The following ZNF280D variants were observed in gnomAD, a reference collection of about 807,000 sequenced individuals.
ZNF280D encodes the protein suppressor of hairy wing homolog 4.
Under a neutral mutation model 94.7 loss-of-function variants are expected in ZNF280D, and 39 were observed. The observed-to-expected ratio is 0.41, with a 90% CI of 0.32 to 0.54. The LOEUF is 0.54. ZNF280D is among the 20% of genes least tolerant of loss of function. The pLI, the probability that ZNF280D is intolerant of heterozygous loss-of-function variation, is 0.22. For missense variants in ZNF280D, 1,090 were observed against 1,149.3 expected (o/e 0.95, Z 0.75); for synonymous variants, 398 against 377.6 (o/e 1.05, Z -0.63).
intron 16 of ZNF280D, among the ~76,000 whole-genome samples, 200 bp from the exon 17 acceptor site, chr15:56,658,686 A>G (rs2053711695): frequency 6.6e-6 from 1 of 152,056 alleles, no homozygotes; most frequent in Non-Finnish European, 1.5e-5. Context: ...TAATGACACT[A>G]TTTTCCTAGG....
At chr15:56,673,728 T>C (rs1188197256) in intron 13 of ZNF280D, among the ~76,000 whole-genome samples, 1 of 152,044 alleles carries the variant, frequency 6.6e-6, no homozygotes, top group African/African-American at 2.4e-5. Flanking sequence ...ATTAATTTAC[T>C]CTGCTCCAGC....
chr15:56,711,407 A>C (rs1250189238), intron 1 of ZNF280D, among the ~76,000 whole-genome samples: 1 of 152,096 alleles, frequency 6.6e-6, no homozygotes, highest in South Asian at 2.1e-4. Flanking sequence ...GCTCACACCT[A>C]TAATTCCAGC....
In ZNF280D at chr15:56,716,498, T is replaced by C. The variant is rs146661984; in HGVS notation, c.-85-9192A>G. Among the ~76,000 whole-genome samples, 1,395 of 147,362 alleles carry C rather than the reference T, an allele frequency of 9.5e-3. 8 individuals are homozygous for C. The highest frequency in any genetic ancestry group is 0.021 in the Middle Eastern group (6 of 292). ...AATATGAAAAGCTGCAAAGAAACCA[T>C]TGTGACTGAAAAAAAAAAAAAAAAG... On this transcript the variant is annotated intron_variant, in intron 1 of 21. Coordinates refer to ENST00000267807, the MANE Select transcript of ZNF280D (RefSeq NM_017661.4).
intron 6 of ZNF280D, chr15:56,699,541 T>C: frequency 1.2e-6 from 1 of 835,084 alleles, no homozygotes; most frequent in Non-Finnish European, 1.4e-6. Context: ...CTTTAGACTC[T>C]TTTTTCCCTT....
rs572401261 is a variant in ZNF280D, at chr15:56,665,837, T to C, written c.1994+558A>G. Among the ~76,000 whole-genome samples the C allele has an allele frequency of 2.6e-5, 4 of 152,166 alleles. No individual in the cohort carries two copies. In the South Asian group the frequency reaches 8.3e-4, roughly 32 times the overall value. On this transcript the variant is annotated intron_variant, in intron 16 of 21. Coordinates refer to ENST00000267807, the MANE Select transcript of ZNF280D (RefSeq NM_017661.4). ...ACCAATGGGGCAATAAAAAGTTCCA[T>C]GGAAAAACTATTTCCCAGCCGGGTG...
chr15:56,669,863 T>C (rs2054555464), intron 13 of ZNF280D, among the ~76,000 whole-genome samples: 1 of 11,156 alleles, frequency 9.0e-5, no homozygotes. Context: ...ATTTTATATA[T>C]ATATATATTT....
Position 56,676,667 on chromosome 15 carries a change from C to G in ZNF280D, c.1410+3G>C, listed in dbSNP as rs77349546. 1.9e-6 allele frequency: 3 copies of G among 1,598,352 alleles called. No individual in the cohort carries two copies. Among genetic ancestry groups the G allele is most frequent in the Non-Finnish European group, 2.6e-6 (3 of 1,174,466 alleles). ...TAAACAAATAAGAACTGGTAAATCT[C>G]ACCTGATGCTTCATATAATGATGCA... On this transcript the variant is annotated splice_donor_region_variant and intron_variant, in intron 13 of 21. Coordinates refer to ENST00000267807, the MANE Select transcript of ZNF280D (RefSeq NM_017661.4).
intron 1 of ZNF280D, among the ~76,000 whole-genome samples, chr15:56,717,531 C>G (rs1211815493): frequency 6.6e-6 from 1 of 151,940 alleles, no homozygotes; most frequent in Non-Finnish European, 1.5e-5. Context: ...TCACTTCATT[C>G]CTTACATTCT....
chr15:56,661,244 A>C (rs1220711524), intron 16 of ZNF280D, among the ~76,000 whole-genome samples: 1 of 152,172 alleles, frequency 6.6e-6, no homozygotes, highest in Non-Finnish European at 1.5e-5. Context: ...AATTTTCAAG[A>C]GAATAAAAGG....
chr15:56,632,137 C>G lies in ZNF280D; in HGVS notation c.2316-15G>C. ...TATCTTGTTTACTGAAAAATAAAGT[C>G]ATTTATTATGTATTTCTTCATAAAG... On this transcript the variant is annotated splice_polypyrimidine_tract_variant and intron_variant, in intron 21 of 21. Coordinates refer to ENST00000267807, the MANE Select transcript of ZNF280D (RefSeq NM_017661.4). 6.6e-7 allele frequency: 1 copy of G among 1,523,258 alleles called. No homozygotes were observed. Among genetic ancestry groups the G allele is most frequent in the Non-Finnish European group, 8.8e-7 (1 of 1,136,122 alleles). The allele number at this position is 1,523,258 out of a possible 1,614,324, so 94.4% of individuals were successfully genotyped here. A position where few individuals can be genotyped will look rare whatever the true frequency, so the allele number is the denominator to read the frequency against.
chr15:56,724,575 A>G (rs1468568787), intron 1 of ZNF280D, among the ~76,000 whole-genome samples: 1 of 152,228 alleles, frequency 6.6e-6, no homozygotes, highest in African/African-American at 2.4e-5. Flanking sequence ...AAATGAATAC[A>G]CAATATCTGG....
intron 20 of ZNF280D, among the ~76,000 whole-genome samples, chr15:56,637,169 A>ATT (rs10659333): frequency 0.018 from 2,534 of 138,488 alleles, 68 homozygotes; most frequent in African/African-American, 0.058. Context: ...TCCAGAATGA[A>ATT]TTTTTTTTTT....
intron 1 of ZNF280D, among the ~76,000 whole-genome samples, chr15:56,721,113 C>T (rs1267124951): frequency 6.6e-6 from 1 of 152,090 alleles, no homozygotes; most frequent in Non-Finnish European, 1.5e-5. Flanking sequence ...CAGGCATGCA[C>T]CACCACGCCT....
At position 56,631,856 on chromosome 15, in the gene ZNF280D, A is replaced by G. The variant is rs760795460; in HGVS notation, c.2582T>C (p.Ile861Thr). 1.2e-6 allele frequency: 2 copies of G among 1,613,834 alleles called. No homozygotes were observed. Among genetic ancestry groups the G allele is most frequent in the Admixed American group, 3.3e-5 (2 of 60,028 alleles). The change falls in exon 22 of 22, where the codon ATC (isoleucine) becomes ACC (threonine). Residue 861 changes from isoleucine (I) to threonine (T), a missense_variant. Transcript: ENST00000267807. Reference sequence around the variant, plus strand: ...GTGATCTTTAATCTGATCAGATAAGATTATGTTTTCTGAACTTTGGCACAT... The same window carrying G: ...GTGATCTTTAATCTGATCAGATAAGGTTATGTTTTCTGAACTTTGGCACAT... ...LKMCQSSENI[I>T]LSDQIKDHNS... is the part of the protein sequence containing the mutation.
chr15:56,684,899 C>A (rs544698082), intron 9 of ZNF280D, among the ~76,000 whole-genome samples: 76 of 151,438 alleles, frequency 5.0e-4, no homozygotes, highest in African/African-American at 1.8e-3. Flanking sequence ...AGGACTCACC[C>A]AAAATTCCCA....
At chr15:56,700,804 C>A in intron 6 of ZNF280D, 129 bp downstream of exon 6, 1 of 1,559,306 alleles carries the variant, frequency 6.4e-7, no homozygotes, top group African/African-American at 1.4e-5. Context: ...GTGACATTTT[C>A]TGATGCTAAC....
chr15:56,676,928 G>T, intron 12 of ZNF280D, 112 bp from the exon 13 acceptor site: 2 of 768,970 alleles, frequency 2.6e-6, no homozygotes, highest in Admixed American at 2.7e-5. Context: ...TACTAATCTA[G>T]CTCTGATGCC....
At chr15:56,657,591 T>C (rs1215645032) in intron 17 of ZNF280D, among the ~76,000 whole-genome samples, 1 of 152,128 alleles carries the variant, frequency 6.6e-6, no homozygotes, top group Admixed American at 6.5e-5. Context: ...AACTCTCTAA[T>C]GTCCAGTAGC....
At chr15:56,693,820 C>G (rs2056566988) in intron 6 of ZNF280D, among the ~76,000 whole-genome samples, 1 of 152,076 alleles carries the variant, frequency 6.6e-6, no homozygotes, top group South Asian at 2.1e-4. Context: ...ATTTTGAAAT[C>G]ATCTTTATTG....
Sources: gnomAD v4.1 joint callset for allele counts (sites outside exome capture counted in the v4.1 genomes callset) on GRCh38, gnomAD v4.1.1 for gene constraint, MANE v1.5 for transcripts, NCBI Gene and HGNC (gene_info 2026-07-23, HGNC 2026-07-21) for gene names.